The following CA8 variants were observed in gnomAD, a reference collection of about 807,000 sequenced individuals.
CA8 encodes the protein carbonic anhydrase 8 (inactive).
A neutral mutation model predicts 41.4 loss-of-function variants in CA8; 22 were observed. The ratio of observed to expected loss-of-function variants is 0.53; its 90% confidence interval spans 0.38 to 0.76. The LOEUF (loss-of-function observed/expected upper bound fraction) is 0.76, where lower values mean the gene tolerates loss of function less well. Ranked by LOEUF, CA8 falls within the 30% of genes least tolerant of loss-of-function variation. CA8 has a pLI of 0.00. For missense variants in CA8, 270 were observed against 352.8 expected, an observed-to-expected ratio of 0.77 and a Z score of 1.88; for synonymous variants, 121 against 130.6, an observed-to-expected ratio of 0.93 and a Z score of 0.50.
At chr8:60,194,385 C>T (rs1806219687) in intron 8 of CA8, among the ~76,000 whole-genome samples, 2 of 152,108 alleles carry the variant, frequency 1.3e-5, no homozygotes, top group Admixed American at 6.6e-5. Context: ...CCCGTTGGTC[C>T]ACTTCTGCAG....
chr8:60,194,667 T>C (rs1806228357), intron 8 of CA8, among the ~76,000 whole-genome samples: 1 of 152,192 alleles, frequency 6.6e-6, no homozygotes, highest in Admixed American at 6.5e-5. Flanking sequence ...TTTAGCCTCC[T>C]TTTACTCCAG....
intron 3 of CA8, chr8:60,232,710 A>C: frequency 2.7e-6 from 1 of 366,956 alleles, no homozygotes; most frequent in South Asian, 2.4e-5. Flanking sequence ...ATGAAACAAA[A>C]CTCCAGGTCT....
chr8:60,265,615 T>G (rs1415378023), intron 3 of CA8: 2 of 350,346 alleles, frequency 5.7e-6, no homozygotes, highest in Non-Finnish European at 1.1e-5. Context: ...ATCCAAAGCA[T>G]CCACAAAAAT....
rs758032626 is a variant in CA8, at chr8:60,217,083, C to A, written c.738+5566G>T. 2.0e-5 allele frequency among the ~76,000 whole-genome samples: 3 copies of A among 152,170 alleles called. No individual in the cohort carries two copies. The Middle Eastern group carries it at 0.01, about 518-fold the overall frequency. ...ATCTTTAGTAGAGACAGGGTTTCAC[C>A]GTGTTGGCCAGGCAGGTCTCTAACT... On this transcript the variant is annotated intron_variant, in intron 7 of 8. Transcript: ENST00000317995.
chr8:60,202,372 T>A (rs1003756005), intron 8 of CA8, among the ~76,000 whole-genome samples: 3 of 151,954 alleles, frequency 2.0e-5, no homozygotes, highest in African/African-American at 7.3e-5. Flanking sequence ...TCTTTATTGA[T>A]AAAATCTTCA....
At chr8:60,264,037 G>A (rs1803821256) in intron 3 of CA8, among the ~76,000 whole-genome samples, 1 of 152,158 alleles carries the variant, frequency 6.6e-6, no homozygotes, top group Admixed American at 6.6e-5. Context: ...AAATATTTCT[G>A]CAGAAACAAA....
At position 60,254,237 on chromosome 8, in the gene CA8, AT is replaced by A. The variant is rs756476028; in HGVS notation, c.417+11687del. Among the ~76,000 whole-genome samples, 6 of 152,330 alleles carry A rather than the reference AT, an allele frequency of 3.9e-5. No homozygotes were observed. In the East Asian group the frequency reaches 1.2e-3, roughly 29 times the overall value. On this transcript the variant is annotated intron_variant, in intron 3 of 8. Transcript: ENST00000317995. ...ACTTAAAACTTGTTTGCTGAATGGT[AT>A]ATGCCACTCTACCATCTCCCTCCCT... is the stretch of plus-strand genomic sequence containing the variant.
intron 2 of CA8, among the ~76,000 whole-genome samples, chr8:60,275,257 C>T (rs976933698): frequency 1.3e-5 from 2 of 152,180 alleles, no homozygotes; most frequent in African/African-American, 4.8e-5. Context: ...TTCTGATCTG[C>T]TTCCTAGACT....
In CA8 at chr8:60,224,540, G is replaced by C. The variant is rs1285814727; in HGVS notation, c.622C>G (p.Pro208Ala). ...ATGCAATCAGGTAAATACTCACCTG[G>C]TAATAAAGTGTTAGGATTAAAGCAA... Reference protein sequence around the residue: ...IPCFNPNTLLPDPLLRDYWVY... With the variant: ...IPCFNPNTLLADPLLRDYWVY... The change falls in exon 6 of 9, where the codon CCA becomes GCA. Residue 208 changes from proline to alanine, a missense_variant. Physicochemically the swap from Pro to Ala is conservative, Grantham distance 27. Around this residue, in one of 3 missense-constraint regions of CA8, gnomAD observed 141 missense variants for 191.6 expected, o/e 0.74. Transcript: ENST00000317995. 6.4e-7 allele frequency: 1 copy of C among 1,565,828 alleles called. No homozygotes were observed. The highest frequency in any genetic ancestry group is 8.8e-7 in the Non-Finnish European group (1 of 1,137,054).
intron 8 of CA8, among the ~76,000 whole-genome samples, chr8:60,204,078 A>G (rs760840708): frequency 6.6e-6 from 1 of 152,226 alleles, no homozygotes; most frequent in Non-Finnish European, 1.5e-5. Flanking sequence ...AAACCCACTC[A>G]AGATTTAAAC....
intron 8 of CA8, among the ~76,000 whole-genome samples, chr8:60,196,190 T>C (rs1488084425): frequency 6.6e-6 from 1 of 152,158 alleles, no homozygotes; most frequent in Non-Finnish European, 1.5e-5. Context: ...ATCTAATCCA[T>C]TGTTTTTTCA....
intron 8 of CA8, among the ~76,000 whole-genome samples, chr8:60,202,477 A>G (rs943085788): frequency 6.6e-6 from 1 of 152,190 alleles, no homozygotes; most frequent in African/African-American, 2.4e-5. Context: ...GCACACTGCA[A>G]TTTATTACAA....
At chr8:60,252,817 T>C (rs544797413) in intron 3 of CA8, among the ~76,000 whole-genome samples, 1 of 143,766 alleles carries the variant, frequency 7.0e-6, no homozygotes, top group African/African-American at 2.8e-5. Flanking sequence ...TATGAATATA[T>C]TACAAATATT....
At chr8:60,246,661 T>G (rs1808249342) in intron 3 of CA8, among the ~76,000 whole-genome samples, 1 of 152,172 alleles carries the variant, frequency 6.6e-6, no homozygotes, top group South Asian at 2.1e-4. Context: ...ATGTACTTAC[T>G]GAGAAAAGCC....
At chr8:60,200,845 C>A (rs1254827850) in intron 8 of CA8, among the ~76,000 whole-genome samples, 1 of 152,154 alleles carries the variant, frequency 6.6e-6, no homozygotes, top group Non-Finnish European at 1.5e-5. Context: ...AGCTGGCATG[C>A]AAGTTTGAGT....
intron 3 of CA8, among the ~76,000 whole-genome samples, chr8:60,233,486 A>T (rs905125933): frequency 2.0e-5 from 3 of 152,228 alleles, no homozygotes; most frequent in Non-Finnish European, 4.4e-5. Context: ...TGGCCCACTC[A>T]GCCAGGTCAG....
At chr8:60,219,493 C>T (rs1392717778) in intron 7 of CA8, among the ~76,000 whole-genome samples, 1 of 152,138 alleles carries the variant, frequency 6.6e-6, no homozygotes, top group East Asian at 1.9e-4. Flanking sequence ...ATCCCTAAAT[C>T]TGCACATTAG....
intron 3 of CA8, among the ~76,000 whole-genome samples, chr8:60,237,799 A>G (rs1177583410): frequency 1.3e-5 from 2 of 152,220 alleles, no homozygotes; most frequent in African/African-American, 4.8e-5. Flanking sequence ...CTCAGGGTAG[A>G]AGAAAGTGGT....
At chr8:60,196,219 G>A (rs376884051) in intron 8 of CA8, among the ~76,000 whole-genome samples, 27 of 152,182 alleles carry the variant, frequency 1.8e-4, no homozygotes, top group African/African-American at 6.5e-4. Flanking sequence ...ATTAAACAAT[G>A]GAAAAATCTA....
Sources: gnomAD v4.1 joint callset for allele counts (sites outside exome capture counted in the v4.1 genomes callset) on GRCh38, gnomAD v4.1.1 for gene constraint, gnomAD v4.1.1 regional missense constraint, MANE v1.5 for transcripts, NCBI Gene and HGNC (gene_info 2026-07-23, HGNC 2026-07-21) for gene names.